TBC1D14: variants seen among roughly 807,000 people sequenced by gnomAD.
The protein encoded by TBC1D14 is TBC1 domain family, member 14.
TBC1D14 carries 26 observed loss-of-function variants against 79.0 expected under a neutral mutation model. The ratio of observed to expected loss-of-function variants is 0.33; its 90% confidence interval spans 0.24 to 0.46. TBC1D14 has a LOEUF of 0.46. TBC1D14 is among the 20% of genes least tolerant of loss of function. The probability of loss-of-function intolerance (pLI) is 1.00; values close to 1 mark genes in which losing one functional copy is unlikely to be tolerated. For missense variants in TBC1D14, 769 were observed against 887.6 expected, an observed-to-expected ratio of 0.87 and a Z score of 1.70; for synonymous variants, 394 against 349.9, an observed-to-expected ratio of 1.13 and a Z score of -1.40.
chr4:7,010,942 G>A (rs1376056755), intron 11 of TBC1D14, among the ~76,000 whole-genome samples, 161 bp downstream of exon 11: 2 of 152,176 alleles, frequency 1.3e-5, no homozygotes, highest in South Asian at 2.1e-4. Flanking sequence ...TTTGAGCAGC[G>A]TATTGCATGG....
chr4:6,961,226 T>C (rs779069086), intron 2 of TBC1D14, among the ~76,000 whole-genome samples: 2 of 152,106 alleles, frequency 1.3e-5, no homozygotes, highest in African/African-American at 2.4e-5. Flanking sequence ...GCTCTTCACA[T>C]GGCCGGGTGT....
At chr4:7,027,355 GCA>G (rs986929623) in intron 13 of TBC1D14, among the ~76,000 whole-genome samples, 1 of 95,890 alleles carries the variant, frequency 1.0e-5, no homozygotes, top group Non-Finnish European at 1.9e-5. Flanking sequence ...TCACCTCCAC[GCA>G]CACACATTGC....
At chr4:6,988,216 G>A (rs1162583672) in intron 3 of TBC1D14, among the ~76,000 whole-genome samples, 2 of 152,202 alleles carry the variant, frequency 1.3e-5, no homozygotes, top group African/African-American at 4.8e-5. Flanking sequence ...GACCAGCCGC[G>A]GTGTTGCGGA....
intron 2 of TBC1D14, among the ~76,000 whole-genome samples, chr4:6,960,127 G>GC (rs2109027614): frequency 6.9e-6 from 1 of 144,870 alleles, no homozygotes; most frequent in South Asian, 2.2e-4. Flanking sequence ...TGTCACCCAG[G>GC]CTGGAGTGCA....
chr4:6,952,118 G>A (rs946736238), intron 2 of TBC1D14, among the ~76,000 whole-genome samples: 1 of 152,202 alleles, frequency 6.6e-6, no homozygotes, highest in East Asian at 1.9e-4. Flanking sequence ...GAACCGATGA[G>A]AAGTGTTAAG....
In TBC1D14 at chr4:6,923,562, G is replaced by T. The variant is rs1260773019; in HGVS notation, c.173G>T (p.Arg58Leu). Reference sequence around the variant, plus strand: ...CTGAAACTCAGGGCTTTAGAAGACCGGCACAGCCTCCAGTCCGTGGACTCG... The same window carrying T: ...CTGAAACTCAGGGCTTTAGAAGACCTGCACAGCCTCCAGTCCGTGGACTCG... ...PKLKLRALED[R>L]HSLQSVDSGI... The change falls in exon 2 of 14, where the codon CGG becomes CTG. Residue 58 changes from arginine to leucine, a missense_variant. Physicochemically the swap from Arg to Leu is moderately radical, Grantham distance 102 (BLOSUM62 -2). Around this residue, in one of 2 missense-constraint regions of TBC1D14, gnomAD observed 402 missense variants for 393.2 expected, o/e 1.02. Transcript: ENST00000409757. The T allele has an allele frequency of 6.2e-7, 1 of 1,613,970 alleles. No homozygotes were observed. Among genetic ancestry groups the T allele is most frequent in the African/African-American group, 1.3e-5 (1 of 74,926 alleles).
intron 2 of TBC1D14, among the ~76,000 whole-genome samples, chr4:6,963,447 G>T (rs1715426403): frequency 6.6e-6 from 1 of 152,242 alleles, no homozygotes; most frequent in Non-Finnish European, 1.5e-5. Flanking sequence ...GAGCAGATGG[G>T]CTCTGCAGTG....
chr4:6,939,833 A>G (rs1712730037), intron 2 of TBC1D14, among the ~76,000 whole-genome samples: 1 of 152,130 alleles, frequency 6.6e-6, no homozygotes, highest in African/African-American at 2.4e-5. Context: ...TTTGGTGGGA[A>G]AGCAGCATTT....
chr4:6,985,618 CTT>C (rs1207950812), intron 3 of TBC1D14, among the ~76,000 whole-genome samples: 1 of 152,164 alleles, frequency 6.6e-6, no homozygotes, highest in Non-Finnish European at 1.5e-5. Flanking sequence ...TTGGGGTTAT[CTT>C]TTCTTTTGGA....
chr4:6,949,040 G>A (rs1272614732), intron 2 of TBC1D14, among the ~76,000 whole-genome samples: 1 of 151,664 alleles, frequency 6.6e-6, no homozygotes, highest in African/African-American at 2.4e-5. Context: ...CAGGCGTGGT[G>A]GCGCACACCT....
intron 2 of TBC1D14, among the ~76,000 whole-genome samples, chr4:6,963,392 G>A (rs1398703881): frequency 6.6e-6 from 1 of 152,264 alleles, no homozygotes; most frequent in Non-Finnish European, 1.5e-5. Context: ...AGCAGCACCA[G>A]TGTGGTCTCC....
chr4:6,913,098 C>T lies in TBC1D14; in HGVS notation c.-18+3147C>T, dbSNP rs559986602. Reference sequence around the variant, plus strand: ...GCAACCTTTGTCTCCCAGGTTCAAGCGATTCTCCTGCCTCAGCCTCTCCAG... The same window carrying T: ...GCAACCTTTGTCTCCCAGGTTCAAGTGATTCTCCTGCCTCAGCCTCTCCAG... On this transcript the variant is annotated intron_variant, in intron 1 of 13. Coordinates refer to ENST00000409757, the MANE Select transcript of TBC1D14 (RefSeq NM_020773.3). 3.9e-5 allele frequency among the ~76,000 whole-genome samples: 6 copies of T among 152,168 alleles called. No homozygotes were observed. In the South Asian group the frequency reaches 1.2e-3, roughly 32 times the overall value.
intron 13 of TBC1D14, among the ~76,000 whole-genome samples, chr4:7,027,036 A>C (rs182261749): frequency 0.012 from 1,849 of 151,882 alleles, 16 homozygotes; most frequent in Middle Eastern, 0.038. Flanking sequence ...GATGGTGAAA[A>C]CCCATCTCTA....
chr4:6,936,265 A>T (rs1474952134), intron 2 of TBC1D14, among the ~76,000 whole-genome samples: 3 of 152,196 alleles, frequency 2.0e-5, no homozygotes, highest in African/African-American at 7.2e-5. Context: ...GCCGTATCAC[A>T]CTGAGGAGTT....
intron 6 of TBC1D14, among the ~76,000 whole-genome samples, chr4:7,000,608 C>G (rs778857320): frequency 6.6e-6 from 1 of 152,228 alleles, no homozygotes; most frequent in Admixed American, 6.5e-5. Context: ...GGACTCTGTA[C>G]AGCCTACAAT....
chr4:6,949,018 C>T (rs1713760648), intron 2 of TBC1D14, among the ~76,000 whole-genome samples: 1 of 151,092 alleles, frequency 6.6e-6, no homozygotes, highest in African/African-American at 2.4e-5. Flanking sequence ...AGTAAAAATA[C>T]AAAAAATTAG....
At chr4:6,909,597 C>CAA (rs535486289), upstream of TBC1D14, 2 of 147,974 alleles carry the variant, frequency 1.4e-5, no homozygotes, top group South Asian at 2.1e-4. Flanking sequence ...GGTTCTCCGG[C>CAA]AAAAAAAAAG....
intron 10 of TBC1D14, 80 bp downstream of exon 10, chr4:7,010,028 A>G (rs544574805): frequency 3.3e-6 from 5 of 1,514,830 alleles, no homozygotes; most frequent in African/African-American, 1.4e-5. Context: ...GTTAGCTGCA[A>G]ATGTCATGCC....
In TBC1D14 at chr4:7,024,690, C is replaced by G. The variant is rs569027410; in HGVS notation, c.1758-314C>G. On this transcript the variant is annotated intron_variant, in intron 12 of 13. Transcript: ENST00000409757. ...TGTGGGTGGCGCGGCGTACAGCGGCCCCTAAGACAGGATGCCTGCCCCCAC... is the reference window on the plus strand; with the variant it reads ...TGTGGGTGGCGCGGCGTACAGCGGCGCCTAAGACAGGATGCCTGCCCCCAC... 1.1e-4 allele frequency among the ~76,000 whole-genome samples: 17 copies of G among 152,300 alleles called. No individual in the cohort carries two copies. In the South Asian group the frequency reaches 3.5e-3, roughly 32 times the overall value.
Sources: gnomAD v4.1 joint callset for allele counts (sites outside exome capture counted in the v4.1 genomes callset) on GRCh38, gnomAD v4.1.1 for gene constraint, gnomAD v4.1.1 regional missense constraint, MANE v1.5 for transcripts, NCBI Gene and HGNC (gene_info 2026-07-23, HGNC 2026-07-21) for gene names.